Variants in PRRC2B observed in about 807,000 individuals in gnomAD.
PRRC2B encodes the protein proline rich coiled-coil 2B.
Under a neutral mutation model 242.3 loss-of-function variants are expected in PRRC2B, and 68 were observed. That is an observed-to-expected ratio of 0.28 (90% CI 0.23 to 0.34). The LOEUF is 0.34. Ranked by LOEUF, PRRC2B falls within the 10% of genes least tolerant of loss-of-function variation. The pLI, the probability that PRRC2B is intolerant of heterozygous loss-of-function variation, is 1.00. For synonymous variants in PRRC2B, 1,228 were observed against 1,173.6 expected, an observed-to-expected ratio of 1.05 and a Z score of -0.95; for missense variants, 2,835 against 2,954.8, an observed-to-expected ratio of 0.96 and a Z score of 0.94.
At chr9:131,390,063 C>T (rs1032247877), upstream of PRRC2B, among the ~76,000 whole-genome samples, 2 of 148,920 alleles carry the variant, frequency 1.3e-5, no homozygotes, top group African/African-American at 2.4e-5. Flanking sequence ...TACAGGTGCC[C>T]GCCACCACGC....
intron 1 of PRRC2B, among the ~76,000 whole-genome samples, chr9:131,395,981 T>G (rs999910688): frequency 1.3e-4 from 20 of 152,268 alleles, no homozygotes; most frequent in African/African-American, 4.6e-4. Flanking sequence ...GAGAGTGAGT[T>G]TCTACTTGTT....
intron 9 of PRRC2B, among the ~76,000 whole-genome samples, chr9:131,453,012 A>G (rs1485474760): frequency 1.3e-5 from 2 of 152,222 alleles, no homozygotes; most frequent in Admixed American, 1.3e-4. Context: ...TCTATGAGTT[A>G]AGGAAAGTGA....
Position 131,488,105 on chromosome 9 carries a change from TTC to T in PRRC2B, c.6225+10_6225+11del. The T allele has an allele frequency of 6.2e-7, 1 of 1,610,900 alleles. No individual in the cohort carries two copies. The highest frequency in any genetic ancestry group is 8.5e-7 in the Non-Finnish European group (1 of 1,177,782). On this transcript the variant is annotated intron_variant, in intron 28 of 31. Coordinates refer to ENST00000683519, the MANE Select transcript of PRRC2B (RefSeq NM_013318.4). ...ACTCCCAGCTCCCACAGGTCAGGAA[TTC>T]AGTCACTCTACCCAAAGCCCTAGGC...
chr9:131,380,574 C>T (rs1431858029), intron 1 of PRRC2B, among the ~76,000 whole-genome samples: 4 of 148,230 alleles, frequency 2.7e-5, no homozygotes, highest in African/African-American at 5.0e-5. Context: ...GCAAAAACTC[C>T]GCCTCAAAAA....
intron 18 of PRRC2B, among the ~76,000 whole-genome samples, chr9:131,478,900 G>A (rs1943781561): frequency 6.6e-6 from 1 of 152,158 alleles, no homozygotes; most frequent in Non-Finnish European, 1.5e-5. Flanking sequence ...ACTTGTCCAA[G>A]GCAAGATGCA....
intron 1 of PRRC2B, among the ~76,000 whole-genome samples, chr9:131,414,228 CTT>C (rs1837580985): frequency 6.6e-6 from 1 of 151,234 alleles, no homozygotes; most frequent in African/African-American, 2.4e-5. Context: ...AAAAATGAAA[CTT>C]TTATCACAAA....
rs773037000 is a variant in PRRC2B at position 131,477,772 on chromosome 9, C to G, written c.4435C>G (p.Leu1479Val). ...CCCAGACGAGGCCTTGCCTGGAGGT[C>G]TTAGTGGCTGCAGCAGTGGGAGTGG... ...RSPDEALPGG[L>V]SGCSSGSGHS... Residue 1479 changes from leucine to valine, a missense_variant, in exon 17 of 32, where the codon CTT (leucine) becomes GTT (valine). Leu to Val is a conservative substitution (Grantham distance 32). This residue lies in a region of PRRC2B where 1,536 missense variants were observed against 1,483.1 expected (regional missense o/e 1.04). Transcript: ENST00000683519. 8.1e-6 allele frequency: 13 copies of G among 1,610,130 alleles called. No homozygotes were observed. The highest frequency in any genetic ancestry group is 1.7e-5 in the Admixed American group (1 of 59,936).
intron 1 of PRRC2B, among the ~76,000 whole-genome samples, chr9:131,412,623 C>T (rs1837535291): frequency 1.3e-5 from 2 of 152,214 alleles, no homozygotes; most frequent in South Asian, 4.1e-4. Context: ...TCTGCTGACG[C>T]TGTAAAGATG....
chr9:131,393,781 G>A (rs1248388901), upstream of PRRC2B, among the ~76,000 whole-genome samples: 1 of 150,448 alleles, frequency 6.6e-6, no homozygotes, highest in Non-Finnish European at 1.5e-5. Flanking sequence ...TTGGCTCCTG[G>A]CCCCTCCTCC....
intron 30 of PRRC2B, among the ~76,000 whole-genome samples, chr9:131,493,884 C>G (rs1456463706): frequency 6.6e-6 from 1 of 151,776 alleles, no homozygotes; most frequent in South Asian, 2.1e-4. Context: ...TTTTTTTCCA[C>G]GTAGCACCTA....
chr9:131,412,294 T>A (rs943430956), intron 1 of PRRC2B, among the ~76,000 whole-genome samples: 2 of 152,228 alleles, frequency 1.3e-5, no homozygotes, highest in East Asian at 3.8e-4. Context: ...CTTGCTCTTT[T>A]GTGTCTGTCT....
chr9:131,478,649 G>GGGGGGGGGGCCGGGGGC, intron 18 of PRRC2B, 30 bp downstream of exon 18: 3 of 504,560 alleles, frequency 5.9e-6, no homozygotes, highest in East Asian at 1.0e-4. Flanking sequence ...GGGGCATGGG[G>GGGGGGGGGGCCGGGGGC]CTGGAGGGCA....
chr9:131,401,270 C>T (rs1465205603), intron 1 of PRRC2B, among the ~76,000 whole-genome samples: 3 of 152,146 alleles, frequency 2.0e-5, no homozygotes, highest in Non-Finnish European at 4.4e-5. Context: ...CAACCATCAC[C>T]ACCATCCATC....
At chr9:131,393,752 C>G (rs1017642416), upstream of PRRC2B, among the ~76,000 whole-genome samples, 2 of 151,454 alleles carry the variant, frequency 1.3e-5, no homozygotes, top group Non-Finnish European at 3.0e-5. Context: ...GGGCCCATGC[C>G]CTTCCCAGGC....
chr9:131,445,322 A>G (rs906114957), intron 6 of PRRC2B, among the ~76,000 whole-genome samples: 2 of 152,050 alleles, frequency 1.3e-5, no homozygotes, highest in Non-Finnish European at 2.9e-5. Context: ...CACCACACCC[A>G]GCTAATTTTG....
Position 131,485,005 on chromosome 9 carries a change from C to T in PRRC2B, c.5623C>T (p.Pro1875Ser). ...NSPSLPEQSS[P>S]GGAGSGIQPP... ...CCCCAGTTTGCCGGAGCAGAGCTCT[C>T]CAGGCGGCGCTGGCTCAGGCATCCA... The change falls in exon 25 of 32, where the codon CCA (proline) becomes TCA (serine). Residue 1875 changes from proline (P) to serine (S), a missense_variant. Pro to Ser is a moderately conservative substitution (Grantham distance 74, BLOSUM62 -1). Coordinates refer to ENST00000683519, the MANE Select transcript of PRRC2B (RefSeq NM_013318.4). 1 of 1,613,410 alleles carries T rather than the reference C, an allele frequency of 6.2e-7. No homozygotes were observed. The highest frequency in any genetic ancestry group is 8.5e-7 in the Non-Finnish European group (1 of 1,179,660).
Position 131,389,057 on chromosome 9 carries a change from G to C in PRRC2B, c.-56+15326G>C, listed in dbSNP as rs765494026. Among the ~76,000 whole-genome samples, 22 of 149,452 alleles carry C rather than the reference G, an allele frequency of 1.5e-4. 2 individuals are homozygous for C. The highest frequency in any genetic ancestry group is 2.4e-4 in the Non-Finnish European group (16 of 67,390). On this transcript the variant is annotated intron_variant, in intron 1 of 1. Transcript: ENST00000682525. ...GGGTTTCACCATGTTGCCCAGGCTG[G>C]TCTCGAACTCCTGAGCTCAGGCAAT...
intron 1 of PRRC2B, among the ~76,000 whole-genome samples, chr9:131,406,121 G>GCTTTTGTACA (rs908488140): frequency 2.6e-5 from 4 of 152,130 alleles, no homozygotes; most frequent in Non-Finnish European, 4.4e-5. Flanking sequence ...GAGCAGGCAG[G>GCTTTTGTACA]CTTTTGTACA....
intron 9 of PRRC2B, among the ~76,000 whole-genome samples, chr9:131,449,347 ACAT>A (rs1942840940): frequency 6.6e-6 from 1 of 151,590 alleles, no homozygotes; most frequent in Non-Finnish European, 1.5e-5. Flanking sequence ...TCTGGATCTT[ACAT>A]TTTGGTGTTC....
Sources: allele counts gnomAD v4.1 joint callset (sites outside exome capture counted in the v4.1 genomes callset), GRCh38; gene constraint gnomAD v4.1.1; regional missense constraint gnomAD v4.1.1; transcripts MANE v1.5; gene names NCBI Gene and HGNC (gene_info 2026-07-23, HGNC 2026-07-21).